Variants in ANKFN1 observed in about 807,000 individuals in gnomAD.
ANKFN1 encodes ankyrin repeat and fibronectin type-III domain-containing protein 1.
A neutral mutation model predicts 108.7 loss-of-function variants in ANKFN1; 74 were observed. The ratio of observed to expected loss-of-function variants is 0.68; its 90% CI spans 0.56 to 0.83. The LOEUF is 0.83. ANKFN1 is among the 40% of genes least tolerant of loss of function. The pLI is 0.00. For missense variants in ANKFN1, 1,505 were observed against 1,382.3 expected (o/e 1.09, Z -1.41); for synonymous variants, 547 against 516.2 (o/e 1.06, Z -0.81).
chr17:56,400,995 T>C (rs1282454867), intron 8 of ANKFN1, among the ~76,000 whole-genome samples: 1 of 152,198 alleles, frequency 6.6e-6, no homozygotes, highest in Non-Finnish European at 1.5e-5. Context: ...TATGGCCTTA[T>C]AGTGTAGTTT....
intron 3 of ANKFN1, among the ~76,000 whole-genome samples, chr17:56,256,562 C>T (rs2043362156): frequency 6.6e-6 from 1 of 152,128 alleles, no homozygotes; most frequent in Admixed American, 6.5e-5. Flanking sequence ...TGCTAGCTGA[C>T]AGTTTTCTTT....
chr17:56,493,338 C>T (rs1369076719), intron 19 of ANKFN1, among the ~76,000 whole-genome samples: 1 of 152,088 alleles, frequency 6.6e-6, no homozygotes, highest in Non-Finnish European at 1.5e-5. Context: ...GAAACATTCC[C>T]ATGAAGGATG....
At chr17:56,324,794 G>T (rs1037072542) in intron 3 of ANKFN1, among the ~76,000 whole-genome samples, 1 of 152,218 alleles carries the variant, frequency 6.6e-6, no homozygotes, top group East Asian at 1.9e-4. Flanking sequence ...GAGAGATTTT[G>T]CCTTTTTAAT....
intron 4 of ANKFN1, among the ~76,000 whole-genome samples, chr17:56,101,806 C>A (rs1485785077): frequency 6.6e-6 from 1 of 152,166 alleles, no homozygotes; most frequent in Non-Finnish European, 1.5e-5. Flanking sequence ...CAGTCTCTTG[C>A]ATCAGAATAC....
intron 3 of ANKFN1, among the ~76,000 whole-genome samples, chr17:56,268,806 C>A (rs983435459): frequency 1.6e-4 from 24 of 152,164 alleles, no homozygotes; most frequent in African/African-American, 5.5e-4. Context: ...AACTCATCTT[C>A]TTCCTACCTG....
chr17:56,402,606 T>C (rs2047795274), intron 8 of ANKFN1, among the ~76,000 whole-genome samples: 1 of 152,158 alleles, frequency 6.6e-6, no homozygotes, highest in Non-Finnish European at 1.5e-5. Flanking sequence ...TTGCTAATAG[T>C]CCATCAATTT....
At chr17:56,150,304 T>C (rs1908519476), upstream of ANKFN1, among the ~76,000 whole-genome samples, 1 of 152,180 alleles carries the variant, frequency 6.6e-6, no homozygotes, top group Non-Finnish European at 1.5e-5. Flanking sequence ...ATTTCTAGCT[T>C]CTCTTAAAAA....
At chr17:56,430,945 G>A (rs556543475) in intron 8 of ANKFN1, among the ~76,000 whole-genome samples, 3 of 152,246 alleles carry the variant, frequency 2.0e-5, no homozygotes, top group Admixed American at 6.5e-5. Context: ...GATGGCTGAA[G>A]GAAAAGGAAG....
At chr17:56,308,237 T>TAA (rs35895470) in intron 3 of ANKFN1, among the ~76,000 whole-genome samples, 9 of 141,802 alleles carry the variant, frequency 6.3e-5, no homozygotes, top group African/African-American at 1.8e-4. Context: ...TAAAGTATAA[T>TAA]AAAAAAAAAA....
chr17:56,413,806 G>A (rs528355866), intron 8 of ANKFN1, among the ~76,000 whole-genome samples: 55 of 152,002 alleles, frequency 3.6e-4, no homozygotes, highest in Non-Finnish European at 5.0e-4. Context: ...TGTAACCTCT[G>A]CCTCCCGGGT....
intron 3 of ANKFN1, among the ~76,000 whole-genome samples, chr17:56,316,017 G>A (rs1251752640): frequency 1.3e-5 from 2 of 152,090 alleles, no homozygotes; most frequent in African/African-American, 4.8e-5. Flanking sequence ...CCTCTTTGCT[G>A]CTATATGCCT....
At chr17:56,314,129 G>A (rs1378488193) in intron 3 of ANKFN1, among the ~76,000 whole-genome samples, 1 of 152,022 alleles carries the variant, frequency 6.6e-6, no homozygotes, top group Non-Finnish European at 1.5e-5. Flanking sequence ...TTTTATTGTT[G>A]AGTAATAGTC....
chr17:56,056,645 C>T (rs528255409), intron 4 of ANKFN1, among the ~76,000 whole-genome samples: 1 of 152,294 alleles, frequency 6.6e-6, no homozygotes, highest in South Asian at 2.1e-4. Context: ...AACTGGACCC[C>T]TATCCCTTAC....
rs146193202 is a variant in ANKFN1, at chr17:56,482,439, C to T, written c.2175C>T (p.Asp725=). 8.9e-4 allele frequency: 1,442 copies of T among 1,613,558 alleles called. 10 individuals are homozygous for T. Among genetic ancestry groups the T allele is most frequent in the South Asian group, 8.0e-3 (728 of 90,936 alleles). The part of the protein sequence containing the change: ...VSFLLLLPAS[D]DVCTAPGQNN... ...TTCTTCTCCTGCTCCCTGCCTCAGA[C>T]GACGTCTGTACAGCCCCAGGACAGA... Residue 725 remains aspartate, a synonymous_variant, in exon 18 of 21, where the codon GAC becomes GAT. Coordinates refer to ENST00000682825, the MANE Select transcript of ANKFN1 (RefSeq NM_001370326.1).
At chr17:56,247,271 T>C (rs190454636) in intron 3 of ANKFN1, among the ~76,000 whole-genome samples, 165 of 152,300 alleles carry the variant, frequency 1.1e-3, no homozygotes, top group Admixed American at 2.0e-3. Context: ...AAGTCTGAAT[T>C]TGACACAGGA....
At chr17:56,356,953 AC>A (rs2046392846) in intron 6 of ANKFN1, among the ~76,000 whole-genome samples, 1 of 152,106 alleles carries the variant, frequency 6.6e-6, no homozygotes, top group South Asian at 2.1e-4. Context: ...AAGACTCCCT[AC>A]CTCCCAAAGC....
At chr17:56,239,648 A>G (rs1300085465) in intron 3 of ANKFN1, among the ~76,000 whole-genome samples, 1 of 152,126 alleles carries the variant, frequency 6.6e-6, no homozygotes, top group East Asian at 1.9e-4. Context: ...TCCAGATTGC[A>G]TATGTCCCAA....
chr17:56,504,766 G>A (rs560234101), intron 20 of ANKFN1, among the ~76,000 whole-genome samples: 217 of 150,778 alleles, frequency 1.4e-3, no homozygotes, highest in Non-Finnish European at 2.3e-3. Flanking sequence ...AGTGATTCTC[G>A]TGCTCAGCCT....
chr17:56,379,857 G>A lies in ANKFN1; in HGVS notation c.910+5143G>A, dbSNP rs2047046265. ...GGGACTGTTTGTGGATTCACACACT[G>A]TCCCATTGATCTGTCTATACCTGTG... is the stretch of plus-strand genomic sequence containing the variant. On this transcript the variant is annotated intron_variant, in intron 8 of 20. Transcript: ENST00000682825. Among the ~76,000 whole-genome samples, 8 of 152,308 alleles carry A rather than the reference G, an allele frequency of 5.3e-5. No individual in the cohort carries two copies. In the South Asian group the frequency reaches 1.7e-3, roughly 32 times the overall value.
Sources: allele counts gnomAD v4.1 joint callset (sites outside exome capture counted in the v4.1 genomes callset), GRCh38; gene constraint gnomAD v4.1.1; transcripts MANE v1.5; gene names NCBI Gene and HGNC (gene_info 2026-07-23, HGNC 2026-07-21).